Variants in TIMM17B observed in about 807,000 individuals in gnomAD.
TIMM17B encodes mitochondrial import inner membrane translocase subunit Tim17-B.
Under a neutral mutation model 15.9 loss-of-function variants are expected in TIMM17B, and 10 were observed. The ratio of observed to expected loss-of-function variants is 0.63; its 90% CI spans 0.39 to 1.06. The LOEUF (loss-of-function observed/expected upper bound fraction) is 1.06, where lower values mean the gene tolerates loss of function less well. Ranked by LOEUF, TIMM17B falls within the 50% of genes least tolerant of loss-of-function variation. The pLI, the probability that TIMM17B is intolerant of heterozygous loss-of-function variation, is 0.01. For missense variants in TIMM17B, 114 were observed against 152.2 expected, an observed-to-expected ratio of 0.75 and a Z score of 1.32; for synonymous variants, 57 against 57.2, an observed-to-expected ratio of 1.00 and a Z score of 0.02.
At chrX:48,897,679 T>A in intron 2 of TIMM17B, 45 bp downstream of exon 1, 1 of 1,122,973 alleles carries the variant, frequency 8.9e-7, no homozygotes, top group Non-Finnish European at 1.2e-6. Flanking sequence ...ACGGCTGGCC[T>A]TGGCGTCGCA....
At chrX:48,897,026 A>C (rs1339300600) in intron 2 of TIMM17B, 168 bp from the exon 2 acceptor site, 11 of 1,021,410 alleles carry the variant, frequency 1.1e-5, no homozygotes, top group African/African-American at 2.0e-5. Flanking sequence ...TTTTCCACAC[A>C]CCCCCCCATT....
chrX:48,895,650 A>G, intron 3 of TIMM17B: 2 of 429,143 alleles, frequency 4.7e-6, no homozygotes, highest in South Asian at 7.8e-5. Flanking sequence ...TAGGGGAGGG[A>G]CGGGGCTACA....
intron 2 of TIMM17B, 75 bp downstream of exon 1, chrX:48,897,649 G>T: frequency 1.1e-6 from 1 of 885,638 alleles, no homozygotes; most frequent in Non-Finnish European, 1.7e-6. Flanking sequence ...TGCGGCCGAT[G>T]CCTCCCCCGC....
chrX:48,897,616 C>G lies in TIMM17B; in HGVS notation c.26+108G>C, dbSNP rs1001415677. 3 of 635,973 alleles carry G rather than the reference C, an allele frequency of 4.7e-6. No homozygotes were observed. In the Admixed American group the frequency reaches 7.8e-5, roughly 17 times the overall value. The allele number at this position is 635,973 out of a possible 1,213,427, so 52.4% of individuals were successfully genotyped here. On this transcript the variant is annotated intron_variant, in intron 2 of 6. Coordinates refer to ENST00000376582, the Ensembl canonical transcript of TIMM17B. ...GTAGCGGGAGATACGTTAAGAGTCC[C>G]CCGAGTCTGGTACATGGCTCTGTGC...
intron 2 of TIMM17B, chrX:48,897,237 G>A (rs2063322586): frequency 8.4e-6 from 2 of 238,883 alleles, no homozygotes; most frequent in South Asian, 1.4e-4. Flanking sequence ...CCCCTTCTCC[G>A]ACGGTGAGCC....
At chrX:48,898,036 A>G (rs984718418) in intron 1 of TIMM17B, 4 of 1,027,209 alleles carry the variant, frequency 3.9e-6, no homozygotes, top group Non-Finnish European at 3.8e-6. Context: ...GCGACACGAG[A>G]GAGACGGGCG....
chrX:48,897,605 G>A (rs1557039818), intron 2 of TIMM17B, 119 bp downstream of exon 1: 1 of 581,069 alleles, frequency 1.7e-6, no homozygotes, highest in Non-Finnish European at 2.9e-6. Context: ...CGGGAGATAC[G>A]TTAAGAGTCC....
At chrX:48,893,544 TGA>T in exon 7 of TIMM17B, 1 of 390,074 alleles carries the variant, frequency 2.6e-6, no homozygotes, top group East Asian at 4.1e-5. Flanking sequence ...TGGGGTGCCC[TGA>T]GAGAGAAAAA....
chrX:48,897,578 G>T, intron 2 of TIMM17B, 146 bp downstream of exon 1: 1 of 502,020 alleles, frequency 2.0e-6, no homozygotes, highest in Admixed American at 3.0e-5. Context: ...CGAATGACAG[G>T]AACCGAGTGG....
At chrX:48,894,286 G>A (rs2063297759) in intron 4 of TIMM17B, 61 bp from the exon 4 acceptor site, 3 of 1,143,573 alleles carry the variant, frequency 2.6e-6, no homozygotes, top group Non-Finnish European at 3.6e-6. Context: ...CATCTCAGGG[G>A]ACTTCCAAGG....
At chrX:48,895,642 G>A (rs964356406) in intron 3 of TIMM17B, 2 of 433,122 alleles carry the variant, frequency 4.6e-6, no homozygotes, top group East Asian at 7.4e-5. Flanking sequence ...CAGGAGTCTA[G>A]GGGAGGGACG....
In TIMM17B at chrX:48,896,686, C is replaced by G. The variant is rs2063316335; in HGVS notation, c.126+73G>C. The stretch of plus-strand genomic sequence containing the variant: ...AGTGCACGTGACTGGCAGCTCCAAG[C>G]AGTTTTCAGAGCAGCCTCCCTTGTG... On this transcript the variant is annotated intron_variant, in intron 3 of 6. Transcript: ENST00000376582. The G allele has an allele frequency of 5.0e-6, 6 of 1,193,089 alleles. No individual in the cohort carries two copies. The Admixed American group carries it at 1.1e-4, about 23-fold the overall frequency.
chrX:48,895,626 G>A (rs2063303481), intron 3 of TIMM17B: 1 of 442,658 alleles, frequency 2.3e-6, no homozygotes, highest in South Asian at 3.5e-5. Context: ...CCAGGGAGGA[G>A]AGTTCCAGGA....
At chrX:48,897,998 G>C (rs2063333980) in intron 1 of TIMM17B, 2 of 964,956 alleles carry the variant, frequency 2.1e-6, no homozygotes, top group East Asian at 3.5e-5. Flanking sequence ...TTTGGGAAGA[G>C]AGTCGTGTGG....
chrX:48,895,469 G>A (rs1225288282), intron 3 of TIMM17B: 1 of 514,204 alleles, frequency 1.9e-6, no homozygotes, highest in Non-Finnish European at 3.5e-6. Flanking sequence ...AGCAAGAGTA[G>A]ATAAACAAGG....
At chrX:48,894,224 A>G (rs1569509133) in exon 5 of TIMM17B, 2 of 1,208,813 alleles carry the variant, frequency 1.7e-6, no homozygotes, top group East Asian at 5.9e-5. Flanking sequence ...CTGCGAAGCT[A>G]CCTGTAGTGG....
chrX:48,895,033 C>A lies in TIMM17B; in HGVS notation c.190+5G>T. The A allele has an allele frequency of 8.4e-7, 1 of 1,194,552 alleles. No homozygotes were observed. The highest frequency in any genetic ancestry group is 3.0e-5 in the East Asian group (1 of 33,387). On this transcript the variant is annotated splice_donor_5th_base_variant and intron_variant, in intron 4 of 6. Coordinates refer to ENST00000376582, the Ensembl canonical transcript of TIMM17B. ...CTCCTATATCTATCTCCCCAAGTCCCTCACCTCCAATCTGGGGGGCTCGGA... is the reference window on the plus strand; with the variant it reads ...CTCCTATATCTATCTCCCCAAGTCCATCACCTCCAATCTGGGGGGCTCGGA...
At chrX:48,897,597 G>A (rs2063326848) in intron 2 of TIMM17B, 127 bp downstream of exon 1, 1 of 540,061 alleles carries the variant, frequency 1.9e-6, no homozygotes, top group African/African-American at 2.3e-5. Context: ...GGGGGTAGCG[G>A]GAGATACGTT....
intron 2 of TIMM17B, chrX:48,897,395 C>G: frequency 3.4e-6 from 1 of 290,272 alleles, no homozygotes; most frequent in Non-Finnish European, 6.1e-6. Context: ...GGAAAAACCA[C>G]TGGCGGCAAC....
Sources: gnomAD v4.1 joint callset for allele counts on GRCh38, gnomAD v4.1.1 for gene constraint, MANE v1.5 for transcripts, NCBI Gene and HGNC (gene_info 2026-07-23, HGNC 2026-07-21) for gene names.